Variants in SEMA5A observed in about 807,000 individuals in gnomAD.
SEMA5A encodes the protein semaphorin 5A, also known as semaphorin-5A.
A neutral mutation model predicts 135.5 loss-of-function variants in SEMA5A; 55 were observed. The ratio of observed to expected loss-of-function variants is 0.41; its 90% CI spans 0.33 to 0.51. The LOEUF (loss-of-function observed/expected upper bound fraction) is 0.51. Ranked by LOEUF, SEMA5A falls within the 20% of genes least tolerant of loss-of-function variation. SEMA5A has a pLI of 0.37. For missense variants in SEMA5A, 1,290 were observed against 1,419.9 expected, an observed-to-expected ratio of 0.91 and a Z score of 1.47; for synonymous variants, 580 against 546.5, an observed-to-expected ratio of 1.06 and a Z score of -0.85.
chr5:9,098,531 G>T (rs1211644678), intron 16 of SEMA5A, among the ~76,000 whole-genome samples: 3 of 152,110 alleles, frequency 2.0e-5, no homozygotes. Flanking sequence ...TTGTCTGATT[G>T]TTTTTAAATA....
In SEMA5A at chr5:9,227,001, A is replaced by G. The variant is rs762054908; in HGVS notation, c.334-34T>C. ...AAATAAATAAATTAATTAAAAATAT[A>G]TATATATATGTATAATGATAAACAT... On this transcript the variant is annotated intron_variant, in intron 6 of 22. Transcript: ENST00000382496. 7.4e-6 allele frequency: 8 copies of G among 1,083,284 alleles called. 1 individual carries two copies. The East Asian group carries it at 1.7e-4, about 23-fold the overall frequency. 67.1% of individuals were successfully genotyped at this position (1,083,284 alleles called of 1,614,324 possible).
intron 16 of SEMA5A, among the ~76,000 whole-genome samples, chr5:9,090,697 T>C (rs1357249313): frequency 6.6e-6 from 1 of 152,154 alleles, no homozygotes. Flanking sequence ...GTCCTGAGGA[T>C]GCAATGATGA....
intron 3 of SEMA5A, among the ~76,000 whole-genome samples, chr5:9,363,021 C>A (rs930656169): frequency 2.0e-5 from 3 of 152,122 alleles, no homozygotes; most frequent in African/African-American, 7.2e-5. Flanking sequence ...GAGTTTATTT[C>A]TTTGAATAGG....
chr5:9,154,059 AAAAATATATAT>A (rs1472284906), intron 12 of SEMA5A, among the ~76,000 whole-genome samples: 3 of 49,004 alleles, frequency 6.1e-5, no homozygotes, highest in African/African-American at 1.5e-4. Flanking sequence ...AAAAAAAAAA[AAAAATATATAT>A]ATATATATAT....
chr5:9,409,574 G>T (rs144514186), intron 2 of SEMA5A, among the ~76,000 whole-genome samples: 1 of 152,144 alleles, frequency 6.6e-6, no homozygotes, highest in Non-Finnish European at 1.5e-5. Context: ...CTTTACCTGC[G>T]TGTGCTGGAG....
chr5:9,109,202 G>A (rs1046886733), intron 15 of SEMA5A, among the ~76,000 whole-genome samples: 6 of 150,950 alleles, frequency 4.0e-5, no homozygotes, highest in Middle Eastern at 3.4e-3. Context: ...CACTACGCCC[G>A]GCTAATTTTT....
chr5:9,138,695 T>C (rs1159247527), intron 12 of SEMA5A, among the ~76,000 whole-genome samples: 1 of 152,196 alleles, frequency 6.6e-6, no homozygotes, highest in Non-Finnish European at 1.5e-5. Flanking sequence ...GGTGCACCCA[T>C]CACCCAAGCA....
chr5:9,401,031 C>A (rs973885094), intron 2 of SEMA5A, among the ~76,000 whole-genome samples: 1 of 152,042 alleles, frequency 6.6e-6, no homozygotes, highest in African/African-American at 2.4e-5. Flanking sequence ...TTTTGTGTAC[C>A]CTTAGACAAC....
chr5:9,356,213 A>C (rs1754438809), intron 3 of SEMA5A, among the ~76,000 whole-genome samples: 1 of 152,204 alleles, frequency 6.6e-6, no homozygotes. Context: ...GGTTATGATT[A>C]GATGGTTTAC....
chr5:9,462,445 C>T (rs955373358), intron 1 of SEMA5A, among the ~76,000 whole-genome samples: 9 of 152,132 alleles, frequency 5.9e-5, no homozygotes, highest in African/African-American at 2.2e-4. Flanking sequence ...AACAGAATTA[C>T]CATTCAACTC....
chr5:9,146,762 G>C (rs1742360479), intron 12 of SEMA5A, among the ~76,000 whole-genome samples: 1 of 152,004 alleles, frequency 6.6e-6, no homozygotes, highest in Admixed American at 6.6e-5. Context: ...GGCCCCACTT[G>C]GTGTTTGGCA....
chr5:9,363,427 AG>A (rs3839324), intron 3 of SEMA5A: 82,370 of 151,954 alleles, frequency 0.54, 22,351 homozygotes, highest in East Asian at 0.67. Context: ...GCAGTAGGTA[AG>A]GGGGGGTCAT....
intron 13 of SEMA5A, among the ~76,000 whole-genome samples, chr5:9,123,377 G>A (rs1438314195): frequency 6.6e-6 from 1 of 150,866 alleles, no homozygotes; most frequent in Non-Finnish European, 1.5e-5. Flanking sequence ...GGGAGACAGG[G>A]GGAAAGGGGA....
chr5:9,098,885 A>T (rs577044063), intron 16 of SEMA5A, among the ~76,000 whole-genome samples: 327 of 152,350 alleles, frequency 2.1e-3, no homozygotes, highest in Non-Finnish European at 3.7e-3. Context: ...GTACAATTTA[A>T]GTCACTTTTA....
chr5:9,138,918 A>G (rs1431242096), intron 12 of SEMA5A, among the ~76,000 whole-genome samples: 1 of 152,204 alleles, frequency 6.6e-6, no homozygotes, highest in East Asian at 1.9e-4. Flanking sequence ...CATCCAGGTT[A>G]CTGTTAATTT....
At chr5:9,305,728 T>TATATATATATATGTATATATATATATA (rs1287444762) in intron 5 of SEMA5A, among the ~76,000 whole-genome samples, 10 of 95,030 alleles carry the variant, frequency 1.1e-4, no homozygotes, top group African/African-American at 3.9e-4. Context: ...ATATATATAT[T>TATATATATATATGTATATATATATATA]TACACGCACA....
At chr5:9,464,878 G>T (rs961294211) in intron 1 of SEMA5A, among the ~76,000 whole-genome samples, 16 of 152,226 alleles carry the variant, frequency 1.1e-4, no homozygotes, top group Admixed American at 1.0e-3. Context: ...GTCTCACAGC[G>T]GTCTGCAGCC....
At chr5:9,197,020 G>T (rs1430019790) in intron 10 of SEMA5A, 148 bp downstream of exon 10, 1 of 1,113,076 alleles carries the variant, frequency 9.0e-7, no homozygotes, top group Non-Finnish European at 1.3e-6. Flanking sequence ...ACATTAGCCA[G>T]CAGAGTATGG....
intron 1 of SEMA5A, among the ~76,000 whole-genome samples, chr5:9,542,273 C>G (rs955091882): frequency 6.6e-6 from 1 of 152,194 alleles, no homozygotes; most frequent in Non-Finnish European, 1.5e-5. Flanking sequence ...AGATTGCCCC[C>G]TATCATTTCT....
Sources: allele counts gnomAD v4.1 joint callset (sites outside exome capture counted in the v4.1 genomes callset), GRCh38; gene constraint gnomAD v4.1.1; transcripts MANE v1.5; gene names NCBI Gene and HGNC (gene_info 2026-07-23, HGNC 2026-07-21).